NPIPA1: variants seen among roughly 807,000 people sequenced by gnomAD.
NPIPA1 encodes the protein nuclear pore complex interacting protein family member A1.
For synonymous variants in NPIPA1, 7 were observed against 88.0 expected, an observed-to-expected ratio of 0.08 and a Z score of 5.15; for missense variants, 22 against 232.2, an observed-to-expected ratio of 0.09 and a Z score of 5.88.
In NPIPA1 at chr16:14,939,883, TCTC is replaced by T. The variant is rs1406577656; in HGVS notation, c.64-1927_64-1925del. Among the ~76,000 whole-genome samples, 6 of 32,852 alleles carry T rather than the reference TCTC, an allele frequency of 1.8e-4. 1 individual carries two copies. The East Asian group carries it at 3.7e-3, about 20-fold the overall frequency. 21.6% of individuals were successfully genotyped at this position (32,852 alleles called of 152,430 possible). On this transcript the variant is annotated intron_variant, in intron 1 of 7. Transcript: ENST00000328085. ...CACGCTATTCATGCCATTTTCATGA[TCTC>T]CACCTTGGTAATTTTTTTTTTTTTT...
chr16:14,942,683 G>A (rs1216900146), intron 2 of NPIPA1, among the ~76,000 whole-genome samples: 1 of 152,176 alleles, frequency 6.6e-6, no homozygotes, highest in Non-Finnish European at 1.5e-5. Flanking sequence ...TCAATGAAAA[G>A]TGTGTCTGGG....
At chr16:14,940,564 G>A (rs546816505) in intron 1 of NPIPA1, among the ~76,000 whole-genome samples, 43 of 132,940 alleles carry the variant, frequency 3.2e-4, no homozygotes, top group Admixed American at 7.4e-4. Context: ...AAAATTAGCC[G>A]AGCGTGGTGG....
chr16:14,946,740 G>A (rs1444319473), intron 4 of NPIPA1, among the ~76,000 whole-genome samples: 44 of 139,918 alleles, frequency 3.1e-4, no homozygotes, highest in African/African-American at 1.1e-3. Context: ...TGTCACCCAG[G>A]CTAGAGTGCA....
At chr16:14,941,328 G>A (rs1262987089) in intron 1 of NPIPA1, among the ~76,000 whole-genome samples, 5 of 131,992 alleles carry the variant, frequency 3.8e-5, no homozygotes, top group African/African-American at 5.8e-5. Context: ...TCAGCTGCTC[G>A]GGAGGCTGAG....
Position 14,951,744 on chromosome 16 carries a change from G to C in NPIPA1, c.772G>C (p.Asp258His), listed in dbSNP as rs753526176. Residue 258 changes from aspartate (D) to histidine (H), a missense_variant, in exon 8 of 8, where the codon GAT becomes CAT. Transcript: ENST00000328085. ...TCCAACTCAACAACATTCTATAATT[G>C]ATAACTCCCTGAGCCTCAAGACACC... Reference protein sequence around the residue: ...PPPTQQHSIIDNSLSLKTPSE... With the variant: ...PPPTQQHSIIHNSLSLKTPSE... 6.5e-6 allele frequency: 10 copies of C among 1,533,108 alleles called. No homozygotes were observed. The highest frequency in any genetic ancestry group is 1.2e-5 in the South Asian group (1 of 85,060). 95.0% of individuals were successfully genotyped at this position (1,533,108 alleles called of 1,614,324 possible).
intron 2 of NPIPA1, among the ~76,000 whole-genome samples, chr16:14,945,227 G>GTTTGTGT (rs748459839): frequency 3.6e-5 from 5 of 137,750 alleles, no homozygotes; most frequent in East Asian, 2.5e-4. Flanking sequence ...ATTCTTGTGT[G>GTTTGTGT]GTGTGTGTGT....
intron 2 of NPIPA1, among the ~76,000 whole-genome samples, chr16:14,943,605 G>T (rs1965806047): frequency 6.8e-6 from 1 of 147,172 alleles, no homozygotes; most frequent in Non-Finnish European, 1.5e-5. Flanking sequence ...CATCATGGGT[G>T]CCATGAAGCA....
At chr16:14,938,885 C>A (rs62038529) in intron 1 of NPIPA1, among the ~76,000 whole-genome samples, 5,771 of 122,480 alleles carry the variant, frequency 0.047, no homozygotes, top group South Asian at 0.073. Flanking sequence ...ATTACAACGC[C>A]TGGCTAATTT....
At chr16:14,940,658 A>T (rs1328811290) in intron 1 of NPIPA1, among the ~76,000 whole-genome samples, 2 of 139,398 alleles carry the variant, frequency 1.4e-5, no homozygotes, top group Admixed American at 7.6e-5. Context: ...GTGAGCTGAG[A>T]TCATGCCACT....
chr16:14,938,422 A>G (rs1336202742), intron 1 of NPIPA1: 1 of 1,104,444 alleles, frequency 9.1e-7, no homozygotes, highest in African/African-American at 1.7e-5. Flanking sequence ...GCGGCATGAA[A>G]TTACACAGCT....
chr16:14,947,965 C>G (rs1965932122), intron 4 of NPIPA1, among the ~76,000 whole-genome samples: 2 of 152,232 alleles, frequency 1.3e-5, no homozygotes, highest in African/African-American at 2.4e-5. Flanking sequence ...TGAGGCCACT[C>G]CAGACAGCAT....
chr16:14,941,333 G>A (rs1202272655), intron 1 of NPIPA1, among the ~76,000 whole-genome samples: 116 of 136,858 alleles, frequency 8.5e-4, no homozygotes, highest in Non-Finnish European at 1.5e-3. Context: ...TGCTCGGGAG[G>A]CTGAGGCAGG....
Position 14,944,605 on chromosome 16 carries a change from CAT to C in NPIPA1, c.193-968_193-967del, listed in dbSNP as rs1491126765. On this transcript the variant is annotated intron_variant, in intron 2 of 7. Coordinates refer to ENST00000328085, the MANE Select transcript of NPIPA1 (RefSeq NM_006985.4). ...TCAGTTGTGTGAAGTATATTCATGT[CAT>C]TTTTTTTTTTTTTTTTTGAGACGGA... 4.8e-5 allele frequency among the ~76,000 whole-genome samples: 7 copies of C among 146,872 alleles called. No individual in the cohort carries two copies. The East Asian group carries it at 8.3e-4, about 17-fold the overall frequency.
chr16:14,946,422 A>C (rs1226276873), intron 4 of NPIPA1, among the ~76,000 whole-genome samples: 3 of 149,036 alleles, frequency 2.0e-5, no homozygotes, highest in African/African-American at 7.4e-5. Context: ...GGGTTTCACC[A>C]TGTTGTCCAG....
rs1300154356 is a variant in NPIPA1 at position 14,941,411 on chromosome 16, G to T, written c.64-401G>T. The T allele has an allele frequency of 1.4e-5, 3 of 208,650 alleles. No individual in the cohort carries two copies. In the Admixed American group the frequency reaches 1.7e-4, roughly 11 times the overall value. 12.9% of individuals were successfully genotyped at this position (208,650 alleles called of 1,614,324 possible). ...GATTGCACCACTGCACTCCAGCCTG[G>T]GCGACTGAGTGGAGCGGAACTCTGT... On this transcript the variant is annotated intron_variant, in intron 1 of 7. Transcript: ENST00000328085.
At chr16:14,945,150 A>T (rs1441231475) in intron 2 of NPIPA1, among the ~76,000 whole-genome samples, 4 of 150,014 alleles carry the variant, frequency 2.7e-5, no homozygotes, top group East Asian at 2.1e-4. Flanking sequence ...ACCTCAGGTG[A>T]TCCGCCTGCC....
At chr16:14,945,233 T>TGTGG (rs879307424) in intron 2 of NPIPA1, among the ~76,000 whole-genome samples, 1 of 142,344 alleles carries the variant, frequency 7.0e-6, no homozygotes, top group African/African-American at 2.7e-5. Flanking sequence ...GTGTGGTGTG[T>TGTGG]GTGTGTGTGT....
intron 1 of NPIPA1, among the ~76,000 whole-genome samples, chr16:14,940,374 C>T (rs199514583): frequency 2.0e-5 from 3 of 149,726 alleles, no homozygotes; most frequent in Non-Finnish European, 1.5e-5. Flanking sequence ...ATAAATGCAT[C>T]CAATGTTATA....
At chr16:14,945,153 C>T (rs879357053) in intron 2 of NPIPA1, among the ~76,000 whole-genome samples, 3,197 of 148,494 alleles carry the variant, frequency 0.022, 10 homozygotes, top group East Asian at 0.049. Flanking sequence ...TCAGGTGATC[C>T]GCCTGCCTCG....
Sources: allele counts gnomAD v4.1 joint callset (sites outside exome capture counted in the v4.1 genomes callset), GRCh38; gene constraint gnomAD v4.1.1; transcripts MANE v1.5; gene names NCBI Gene and HGNC (gene_info 2026-07-23, HGNC 2026-07-21).